TRABD2B: variants seen among roughly 807,000 people sequenced by gnomAD.
TRABD2B encodes TraB domain containing 2B, also known as metalloprotease TIKI2.
Under a neutral mutation model 40.1 loss-of-function variants are expected in TRABD2B, and 14 were observed. The ratio of observed to expected loss-of-function variants is 0.35; its 90% CI spans 0.23 to 0.55. TRABD2B has a LOEUF of 0.55. TRABD2B is among the 20% of genes least tolerant of loss of function. The pLI is 0.90. For synonymous variants in TRABD2B, 263 were observed against 277.0 expected (o/e 0.95, Z 0.50); for missense variants, 541 against 648.6 (o/e 0.83, Z 1.80).
Position 47,884,667 on chromosome 1 carries a change from G to T in TRABD2B, c.667-83048C>A, listed in dbSNP as rs536401565. Among the ~76,000 whole-genome samples, 16 of 152,222 alleles carry T rather than the reference G, an allele frequency of 1.1e-4. No homozygotes were observed. The South Asian group carries it at 3.1e-3, about 30-fold the overall frequency. On this transcript the variant is annotated intron_variant, in intron 2 of 6. Transcript: ENST00000606738. ...CTCGCTCTGTCGCCCAGGCTGGAGT[G>T]CAGTGTTGCGATCTCGGCTCACTGC... is the stretch of plus-strand genomic sequence containing the variant.
chr1:47,974,635 C>T (rs977973704), intron 2 of TRABD2B, among the ~76,000 whole-genome samples: 2 of 152,160 alleles, frequency 1.3e-5, no homozygotes, highest in African/African-American at 4.8e-5. Flanking sequence ...GCATCTGTAC[C>T]AGTGCCCAGT....
chr1:47,972,092 A>C, intron 2 of TRABD2B, among the ~76,000 whole-genome samples: 1 of 152,236 alleles, frequency 6.6e-6, no homozygotes, highest in East Asian at 1.9e-4. Flanking sequence ...ATGCTAATTA[A>C]GTAGTTATAA....
At chr1:47,990,793 A>T (rs1255127987) in intron 2 of TRABD2B, among the ~76,000 whole-genome samples, 2 of 43,380 alleles carry the variant, frequency 4.6e-5, no homozygotes, top group Non-Finnish European at 8.7e-5. Flanking sequence ...ATATATATAT[A>T]TATATATATA....
chr1:47,949,439 A>C (rs1645309384), intron 2 of TRABD2B, among the ~76,000 whole-genome samples: 2 of 116,762 alleles, frequency 1.7e-5, no homozygotes, highest in Non-Finnish European at 3.3e-5. Context: ...ACAGGGTCTC[A>C]CTCTGTCACC....
At chr1:47,820,517 T>C (rs1402888454) in intron 2 of TRABD2B, among the ~76,000 whole-genome samples, 1 of 152,014 alleles carries the variant, frequency 6.6e-6, no homozygotes, top group African/African-American at 2.4e-5. Context: ...ACCAGGAAAA[T>C]GCGCCTAAAA....
chr1:47,863,857 A>G (rs1644015033), intron 2 of TRABD2B, among the ~76,000 whole-genome samples: 1 of 152,232 alleles, frequency 6.6e-6, no homozygotes, highest in African/African-American at 2.4e-5. Flanking sequence ...GATGTCCGTC[A>G]GTAGATTAAT....
At chr1:47,806,604 C>T (rs773499775) in intron 2 of TRABD2B, among the ~76,000 whole-genome samples, 9 of 152,192 alleles carry the variant, frequency 5.9e-5, no homozygotes, top group Non-Finnish European at 1.2e-4. Context: ...TCCAGAGCAT[C>T]CTCTGTGGAC....
At position 47,977,766 on chromosome 1, in the gene TRABD2B, G is replaced by A. The variant is rs556217322; in HGVS notation, c.666+16268C>T. 2.1e-3 allele frequency among the ~76,000 whole-genome samples: 321 copies of A among 152,080 alleles called. 2 individuals are homozygous for A. The South Asian group carries it at 0.034, about 16-fold the overall frequency. On this transcript the variant is annotated intron_variant, in intron 2 of 6. Coordinates refer to ENST00000606738, the MANE Select transcript of TRABD2B (RefSeq NM_001194986.2). ...ATTGGAGGAGAGAGGAAATGAGGGG[G>A]AATTGAAAAGTATGCCTCTGGATTC...
chr1:47,965,527 T>A (rs1254824447), intron 2 of TRABD2B, among the ~76,000 whole-genome samples: 5 of 152,018 alleles, frequency 3.3e-5, no homozygotes, highest in African/African-American at 4.8e-5. Context: ...CCCCTTTTCC[T>A]GAGAATGTCT....
intron 2 of TRABD2B, among the ~76,000 whole-genome samples, chr1:47,915,300 G>T (rs866464068): frequency 5.3e-5 from 8 of 152,308 alleles, no homozygotes; most frequent in Middle Eastern, 6.8e-3. Context: ...TAGAATGGAG[G>T]CTACAGACTC....
At chr1:47,966,000 C>T (rs1265227196) in intron 2 of TRABD2B, among the ~76,000 whole-genome samples, 1 of 152,208 alleles carries the variant, frequency 6.6e-6, no homozygotes, top group Non-Finnish European at 1.5e-5. Context: ...CCCAGCTGCA[C>T]TCCACATCAC....
chr1:47,839,602 C>T (rs778953746), intron 2 of TRABD2B, among the ~76,000 whole-genome samples: 1 of 152,202 alleles, frequency 6.6e-6, no homozygotes, highest in African/African-American at 2.4e-5. Flanking sequence ...GCAAACTACA[C>T]CTCTGATGGG....
chr1:47,784,261 G>C (rs1185932400), intron 4 of TRABD2B, among the ~76,000 whole-genome samples: 6 of 152,152 alleles, frequency 3.9e-5, no homozygotes, highest in African/African-American at 1.4e-4. Context: ...CTGAAGTATT[G>C]GCAGCTGCAA....
At chr1:47,961,158 T>C (rs1345904154) in intron 2 of TRABD2B, among the ~76,000 whole-genome samples, 1 of 152,210 alleles carries the variant, frequency 6.6e-6, no homozygotes, top group Non-Finnish European at 1.5e-5. Context: ...TGGCTAGCCA[T>C]ATGTAGAAAG....
intron 2 of TRABD2B, among the ~76,000 whole-genome samples, chr1:47,883,421 T>C (rs567121002): frequency 2.0e-5 from 3 of 152,344 alleles, no homozygotes; most frequent in South Asian, 2.1e-4. Context: ...CTGAAACTCA[T>C]ACCTCTTGGC....
rs117716431 is a variant in TRABD2B, at chr1:47,910,496, A to C, written c.666+83538T>G. On this transcript the variant is annotated intron_variant, in intron 2 of 6. Coordinates refer to ENST00000606738, the MANE Select transcript of TRABD2B (RefSeq NM_001194986.2). ...AACAAAGTTCTAGGATGGCCATGGGAAGTAGTGAGTACCTTGTCACTCAGA... is the reference window on the plus strand; with the variant it reads ...AACAAAGTTCTAGGATGGCCATGGGCAGTAGTGAGTACCTTGTCACTCAGA... 5.4e-4 allele frequency among the ~76,000 whole-genome samples: 82 copies of C among 152,248 alleles called. 1 individual carries two copies. The East Asian group carries it at 0.013, about 24-fold the overall frequency.
At chr1:47,975,969 G>A (rs1240909718) in intron 2 of TRABD2B, among the ~76,000 whole-genome samples, 1 of 152,088 alleles carries the variant, frequency 6.6e-6, no homozygotes. Flanking sequence ...ACAGCTGTGG[G>A]GTTCCCTAGA....
chr1:47,858,590 A>C (rs990774682), intron 2 of TRABD2B, among the ~76,000 whole-genome samples: 2 of 152,200 alleles, frequency 1.3e-5, no homozygotes, highest in African/African-American at 4.8e-5. Flanking sequence ...TACAAAGTGA[A>C]ATTTATTAAT....
intron 2 of TRABD2B, among the ~76,000 whole-genome samples, chr1:47,846,857 T>TACACACAC (rs67359073): frequency 0.021 from 2,230 of 106,454 alleles, 65 homozygotes; most frequent in African/African-American, 0.063. Flanking sequence ...AAAACATGCA[T>TACACACAC]ACACACACAC....
Sources: gnomAD v4.1 joint callset for allele counts (sites outside exome capture counted in the v4.1 genomes callset) on GRCh38, gnomAD v4.1.1 for gene constraint, MANE v1.5 for transcripts, NCBI Gene and HGNC (gene_info 2026-07-23, HGNC 2026-07-21) for gene names.